IL1RAP: variants seen among roughly 807,000 people sequenced by gnomAD.
IL1RAP encodes interleukin-1 receptor accessory protein.
IL1RAP carries 35 observed loss-of-function variants against 60.7 expected under a neutral mutation model. The ratio of observed to expected loss-of-function variants is 0.58; its 90% CI spans 0.44 to 0.76. The LOEUF is 0.76. Ranked by LOEUF, IL1RAP falls within the 30% of genes least tolerant of loss-of-function variation. The probability of loss-of-function intolerance (pLI) is 0.00; values close to 1 mark genes in which losing one functional copy is unlikely to be tolerated. For missense variants in IL1RAP, 572 were observed against 693.9 expected (o/e 0.82, Z 1.97); for synonymous variants, 268 against 250.9 (o/e 1.07, Z -0.64).
rs140864831 is a variant in IL1RAP at position 190,613,118 on chromosome 3, G to A, written c.537+3937G>A. Among the ~76,000 whole-genome samples the A allele has an allele frequency of 9.8e-5, 15 of 152,288 alleles. No individual in the cohort carries two copies. In the East Asian group the frequency reaches 2.5e-3, roughly 25 times the overall value. ...ATAAGAGTGACAAGGAGAAAATACTGTTGGTTTTAAGGAGAGAGAGATATG... is the reference window on the plus strand; with the variant it reads ...ATAAGAGTGACAAGGAGAAAATACTATTGGTTTTAAGGAGAGAGAGATATG... On this transcript the variant is annotated intron_variant, in intron 5 of 11. Transcript: ENST00000447382.
chr3:190,648,005 A>G (rs1259882393), intron 11 of IL1RAP, among the ~76,000 whole-genome samples: 1 of 152,192 alleles, frequency 6.6e-6, no homozygotes, highest in Non-Finnish European at 1.5e-5. Flanking sequence ...ACTTTAAAGA[A>G]ACTGCTTTCA....
At chr3:190,522,286 TTTGCTTCC>T (rs750656214) in intron 1 of IL1RAP, among the ~76,000 whole-genome samples, 1 of 131,004 alleles carries the variant, frequency 7.6e-6, no homozygotes, top group Non-Finnish European at 1.7e-5. Context: ...CCTGCCTTCC[TTTGCTTCC>T]TTCCTTCCTT....
chr3:190,574,601 G>T (rs75654877), intron 3 of IL1RAP, among the ~76,000 whole-genome samples: 6,395 of 152,250 alleles, frequency 0.042, 210 homozygotes, highest in Non-Finnish European at 0.069. Flanking sequence ...ATGTTTACAT[G>T]TGCCTCAGAG....
intron 4 of IL1RAP, among the ~76,000 whole-genome samples, chr3:190,607,429 T>A (rs1730429473): frequency 6.6e-6 from 1 of 152,226 alleles, no homozygotes; most frequent in South Asian, 2.1e-4. Flanking sequence ...CTAGATGCAA[T>A]TTATGTAATA....
At chr3:190,612,381 A>G (rs1730896181) in intron 5 of IL1RAP, among the ~76,000 whole-genome samples, 1 of 151,950 alleles carries the variant, frequency 6.6e-6, no homozygotes, top group East Asian at 1.9e-4. Context: ...TTGATTTTTT[A>G]GTTTTGTTCC....
In IL1RAP at chr3:190,650,634, T is replaced by C; in HGVS notation, c.*1929T>C. On this transcript the variant is annotated 3_prime_UTR_variant, in exon 12 of 12. Transcript: ENST00000447382. ...ATAAATCATTTCCCTCTATAAGTGT[T>C]ATTGATTATTTTAAATTGAAAAAAG... 1.1e-6 allele frequency: 1 copy of C among 872,916 alleles called. No homozygotes were observed. The highest frequency in any genetic ancestry group is 1.4e-6 in the Non-Finnish European group (1 of 727,570). The allele number at this position is 872,916 out of a possible 1,614,324, so 54.1% of individuals were successfully genotyped here. A position where few individuals can be genotyped will look rare whatever the true frequency, so the allele number is the denominator to read the frequency against.
intron 3 of IL1RAP, among the ~76,000 whole-genome samples, chr3:190,580,959 A>G (rs991707419): frequency 6.6e-6 from 1 of 152,248 alleles, no homozygotes; most frequent in African/African-American, 2.4e-5. Flanking sequence ...AAATATATAC[A>G]GCTTTCTGTA....
chr3:190,656,284 C>A, downstream of IL1RAP: 1 of 1,537,220 alleles, frequency 6.5e-7, no homozygotes, highest in Non-Finnish European at 8.7e-7. Context: ...GAAAGAGCCC[C>A]CAGAACTTCA....
chr3:190,553,339 G>C (rs1366891626), intron 1 of IL1RAP, among the ~76,000 whole-genome samples: 9 of 152,112 alleles, frequency 5.9e-5, no homozygotes, highest in Non-Finnish European at 8.8e-5. Flanking sequence ...TCCTAGCCTA[G>C]TAAAATGTCT....
intron 2 of IL1RAP, chr3:190,563,517 T>A (rs1726094424): frequency 6.6e-6 from 1 of 152,152 alleles, no homozygotes. Context: ...CAGCATTAAA[T>A]ATCATGCAAC....
intron 7 of IL1RAP, among the ~76,000 whole-genome samples, chr3:190,626,664 CTTT>C (rs766018376): frequency 6.0e-5 from 6 of 99,988 alleles, no homozygotes; most frequent in Non-Finnish European, 9.4e-5. Flanking sequence ...TGTCAGAGAC[CTTT>C]TTTTTTTTTT....
At chr3:190,548,065 G>A (rs1724539972) in intron 1 of IL1RAP, among the ~76,000 whole-genome samples, 1 of 152,150 alleles carries the variant, frequency 6.6e-6, no homozygotes, top group African/African-American at 2.4e-5. Context: ...GAAGTGCTCT[G>A]TGAAGGGACA....
intron 1 of IL1RAP, among the ~76,000 whole-genome samples, chr3:190,519,829 G>C (rs1721856207): frequency 6.6e-6 from 1 of 152,142 alleles, no homozygotes; most frequent in Non-Finnish European, 1.5e-5. Context: ...TTGGGCACAG[G>C]ACAGAATAAG....
intron 4 of IL1RAP, 115 bp downstream of exon 4, chr3:190,604,528 A>T: frequency 9.1e-7 from 1 of 1,102,038 alleles, no homozygotes; most frequent in Non-Finnish European, 1.3e-6. Flanking sequence ...GATAGAGTTT[A>T]GTGAGGTAAT....
chr3:190,527,907 A>G (rs998446368), intron 1 of IL1RAP, among the ~76,000 whole-genome samples: 3 of 151,842 alleles, frequency 2.0e-5, no homozygotes, highest in Non-Finnish European at 1.5e-5. Context: ...CACTCACTAT[A>G]TATTTGCTGA....
chr3:190,591,846 C>T (rs547623794), intron 3 of IL1RAP, among the ~76,000 whole-genome samples: 1 of 152,112 alleles, frequency 6.6e-6, no homozygotes, highest in South Asian at 2.1e-4. Flanking sequence ...GACTGCTTAG[C>T]GTTTCTCCAG....
At chr3:190,655,558 CGTGT>C (rs34341875), downstream of IL1RAP, among the ~76,000 whole-genome samples, 4,648 of 131,080 alleles carry the variant, frequency 0.035, 110 homozygotes, top group African/African-American at 0.072. Context: ...AATTGCCCAC[CGTGT>C]GTGTGTGTGT....
chr3:190,515,501 A>G (rs1198490099), intron 1 of IL1RAP, among the ~76,000 whole-genome samples: 4 of 152,054 alleles, frequency 2.6e-5, no homozygotes, highest in African/African-American at 9.7e-5. Context: ...TCTTCTTTTG[A>G]ATTTGAGCAA....
chr3:190,625,954 T>C (rs1732225591), intron 7 of IL1RAP, among the ~76,000 whole-genome samples: 1 of 152,198 alleles, frequency 6.6e-6, no homozygotes, highest in Non-Finnish European at 1.5e-5. Context: ...GGGAAAAGAC[T>C]TAAGGACGTT....
Sources: gnomAD v4.1 joint callset for allele counts (sites outside exome capture counted in the v4.1 genomes callset) on GRCh38, gnomAD v4.1.1 for gene constraint, MANE v1.5 for transcripts, NCBI Gene and HGNC (gene_info 2026-07-23, HGNC 2026-07-21) for gene names.